The following WWOX variants were observed in gnomAD, a reference collection of about 807,000 sequenced individuals.
WWOX encodes the protein WW domain-containing oxidoreductase.
A neutral mutation model predicts 46.2 loss-of-function variants in WWOX; 69 were observed. The observed-to-expected ratio is 1.49, with a 90% CI of 1.23 to 1.82. The LOEUF (loss-of-function observed/expected upper bound fraction) is 1.82, where lower values mean the gene tolerates loss of function less well. Among genes scored for constraint, WWOX ranks in the 40% most tolerant of loss-of-function variants. The pLI, the probability that WWOX is intolerant of heterozygous loss-of-function variation, is 0.00. For synonymous variants in WWOX, 359 were observed against 202.6 expected, an observed-to-expected ratio of 1.77 and a Z score of -6.56; for missense variants, 919 against 542.6, an observed-to-expected ratio of 1.69 and a Z score of -6.89.
intron 8 of WWOX, among the ~76,000 whole-genome samples, chr16:78,449,033 A>G (rs2083626484): frequency 6.6e-6 from 1 of 152,190 alleles, no homozygotes; most frequent in Non-Finnish European, 1.5e-5. Context: ...TACAGGGTAG[A>G]AATTCACCTA....
At chr16:78,143,504 C>T (rs1313481429) in intron 4 of WWOX, among the ~76,000 whole-genome samples, 1 of 152,212 alleles carries the variant, frequency 6.6e-6, no homozygotes. Context: ...TCATCGTTTA[C>T]ATATCGCCCA....
intron 8 of WWOX, among the ~76,000 whole-genome samples, chr16:78,759,715 T>G (rs1851833813): frequency 6.6e-6 from 1 of 152,230 alleles, no homozygotes; most frequent in African/African-American, 2.4e-5. Flanking sequence ...TAGTTTCCTA[T>G]GGCTGCTGTA....
chr16:78,161,495 G>T (rs2034791457), intron 4 of WWOX, among the ~76,000 whole-genome samples: 1 of 151,434 alleles, frequency 6.6e-6, no homozygotes, highest in Non-Finnish European at 1.5e-5. Flanking sequence ...CACTCTGGCT[G>T]GAGTGCAGTG....
rs962077588 is a variant in WWOX at position 78,877,313 on chromosome 16, G to A, written c.1057-334295G>A. ...TGACCCGCCTGCCTCCCCCCTGTGA[G>A]CTTTTTCCACCTACTGGCCTCTTGT... On this transcript the variant is annotated intron_variant, in intron 8 of 8. Coordinates refer to ENST00000566780, the MANE Select transcript of WWOX (RefSeq NM_016373.4). 6.0e-5 allele frequency among the ~76,000 whole-genome samples: 9 copies of A among 149,590 alleles called. 1 individual carries two copies. The highest frequency in any genetic ancestry group is 8.9e-5 in the Non-Finnish European group (6 of 67,702).
intron 8 of WWOX, among the ~76,000 whole-genome samples, chr16:78,723,726 G>C (rs1260987630): frequency 6.6e-6 from 1 of 151,562 alleles, no homozygotes; most frequent in Non-Finnish European, 1.5e-5. Flanking sequence ...TGCTCTCTGG[G>C]TTCACTCCTG....
intron 8 of WWOX, among the ~76,000 whole-genome samples, chr16:78,828,344 T>G (rs1037860972): frequency 2.0e-5 from 3 of 151,746 alleles, no homozygotes; most frequent in African/African-American, 7.3e-5. Context: ...GAATAGGAGG[T>G]TGGGCTGGAG....
intron 5 of WWOX, among the ~76,000 whole-genome samples, chr16:78,191,047 A>T (rs2035867423): frequency 6.6e-6 from 1 of 152,050 alleles, no homozygotes; most frequent in African/African-American, 2.4e-5. Flanking sequence ...TCCCCTTGTT[A>T]AGAGAAAATC....
At chr16:78,179,672 C>G (rs959618894) in intron 5 of WWOX, 2 of 152,164 alleles carry the variant, frequency 1.3e-5, no homozygotes, top group Non-Finnish European at 2.9e-5. Flanking sequence ...TATGACAACA[C>G]TATGAGATAG....
At chr16:78,767,855 T>C (rs1234692067) in intron 8 of WWOX, among the ~76,000 whole-genome samples, 1 of 152,200 alleles carries the variant, frequency 6.6e-6, no homozygotes, top group Non-Finnish European at 1.5e-5. Flanking sequence ...GTATCTTCTT[T>C]GGAGAAAGTA....
chr16:78,368,463 C>T (rs531427951), intron 5 of WWOX, among the ~76,000 whole-genome samples: 1 of 152,244 alleles, frequency 6.6e-6, no homozygotes, highest in Non-Finnish European at 1.5e-5. Flanking sequence ...TGTAGTAAGG[C>T]CTCTTTTCAA....
At chr16:78,448,095 C>T (rs1312935845) in intron 8 of WWOX, among the ~76,000 whole-genome samples, 1 of 152,140 alleles carries the variant, frequency 6.6e-6, no homozygotes, top group African/African-American at 2.4e-5. Flanking sequence ...TGAACCACTG[C>T]TTCTGGCCTA....
chr16:79,028,011 G>C (rs893654917), intron 8 of WWOX, among the ~76,000 whole-genome samples: 5 of 151,790 alleles, frequency 3.3e-5, no homozygotes, highest in African/African-American at 4.9e-5. Context: ...GAGTGCAGTG[G>C]TGCAATCTCA....
At chr16:78,198,894 G>A (rs1433839485) in intron 5 of WWOX, among the ~76,000 whole-genome samples, 1 of 151,762 alleles carries the variant, frequency 6.6e-6, no homozygotes, top group Non-Finnish European at 1.5e-5. Context: ...CTTTGCTCTG[G>A]GAGTTCTTTA....
chr16:78,251,760 A>G (rs1488601720), intron 5 of WWOX, among the ~76,000 whole-genome samples: 1 of 152,192 alleles, frequency 6.6e-6, no homozygotes, highest in Non-Finnish European at 1.5e-5. Flanking sequence ...GACATCAAGT[A>G]ATTCTATCGT....
intron 8 of WWOX, among the ~76,000 whole-genome samples, chr16:78,747,008 C>G (rs943031903): frequency 1.3e-5 from 2 of 152,196 alleles, no homozygotes; most frequent in South Asian, 4.2e-4. Context: ...GACCTGAACT[C>G]CTGCCTGCCT....
intron 8 of WWOX, among the ~76,000 whole-genome samples, chr16:78,701,958 G>T (rs1039848312): frequency 7.0e-6 from 1 of 143,252 alleles, no homozygotes; most frequent in African/African-American, 2.7e-5. Context: ...GCCGAGATGG[G>T]AGGATCATTT....
At chr16:78,630,148 G>C (rs910207174) in intron 8 of WWOX, among the ~76,000 whole-genome samples, 6 of 152,186 alleles carry the variant, frequency 3.9e-5, no homozygotes, top group Non-Finnish European at 7.3e-5. Context: ...TTGAATGAAT[G>C]AATGAATGAA....
At chr16:78,644,553 C>G (rs982252887) in intron 8 of WWOX, among the ~76,000 whole-genome samples, 1 of 152,026 alleles carries the variant, frequency 6.6e-6, no homozygotes, top group African/African-American at 2.4e-5. Flanking sequence ...CCTCCGCCTA[C>G]CAGGTTCAAA....
At chr16:78,318,945 A>G (rs2080410295) in intron 5 of WWOX, among the ~76,000 whole-genome samples, 1 of 152,162 alleles carries the variant, frequency 6.6e-6, no homozygotes, top group Non-Finnish European at 1.5e-5. Context: ...ATCCGCGGAA[A>G]CTATGGATAT....
Sources: gnomAD v4.1 joint callset for allele counts (sites outside exome capture counted in the v4.1 genomes callset) on GRCh38, gnomAD v4.1.1 for gene constraint, MANE v1.5 for transcripts, NCBI Gene and HGNC (gene_info 2026-07-23, HGNC 2026-07-21) for gene names.